SLMAP: variants seen among roughly 807,000 people sequenced by gnomAD.
SLMAP encodes sarcolemma associated protein.
SLMAP carries 44 observed loss-of-function variants against 128.8 expected under a neutral mutation model. The observed-to-expected ratio is 0.34, with a 90% CI of 0.27 to 0.44. The LOEUF is 0.44. Among genes scored for constraint, SLMAP ranks in the 20% least tolerant of loss-of-function variants. The pLI is 1.00. For missense variants in SLMAP, 787 were observed against 985.3 expected (o/e 0.80, Z 2.69); for synonymous variants, 327 against 348.8 (o/e 0.94, Z 0.70).
chr3:57,826,724 C>G (rs931661795), intron 2 of SLMAP, among the ~76,000 whole-genome samples: 9 of 152,226 alleles, frequency 5.9e-5, no homozygotes, highest in African/African-American at 1.7e-4. Flanking sequence ...AGGAACTTAC[C>G]CTGCACTCAC....
Position 57,857,742 on chromosome 3 carries a change from C to T in SLMAP, c.529C>T (p.His177Tyr), listed in dbSNP as rs1280921447. The T allele has an allele frequency of 1.9e-6, 3 of 1,611,908 alleles. No homozygotes were observed. Among genetic ancestry groups the T allele is most frequent in the East Asian group, 2.2e-5 (1 of 44,862 alleles). ...TGATTTGTAATACTAGGAGGCCTTA[C>T]ATCGGGAACAAATGTTGGAACAGAA... ...QLSQYLQEAL[H>Y]REQMLEQKLA... Residue 177 changes from histidine to tyrosine, a missense_variant, in exon 7 of 25, where the codon CAT becomes TAT. This residue lies in a region of SLMAP where 715 missense variants were observed against 843.6 expected (regional missense o/e 0.85). Transcript: ENST00000671191.
intron 2 of SLMAP, among the ~76,000 whole-genome samples, chr3:57,764,581 G>T (rs1487868701): frequency 6.6e-6 from 1 of 151,860 alleles, no homozygotes; most frequent in African/African-American, 2.4e-5. Context: ...CCTGGAGCAA[G>T]GAAAAATGGG....
At position 57,793,148 on chromosome 3, in the gene SLMAP, A is replaced by G. The variant is rs554452922; in HGVS notation, c.198+35299A>G. ...CTGTCTCAATAAGAAAACCCAAAAAATCCTCTTGAGCTCAAGTGATCCTCC... is the reference window on the plus strand; with the variant it reads ...CTGTCTCAATAAGAAAACCCAAAAAGTCCTCTTGAGCTCAAGTGATCCTCC... On this transcript the variant is annotated intron_variant, in intron 2 of 24. Coordinates refer to ENST00000671191, the MANE Select transcript of SLMAP (RefSeq NM_001377540.1). Among the ~76,000 whole-genome samples the G allele has an allele frequency of 4.6e-5, 7 of 151,784 alleles. No homozygotes were observed. The East Asian group carries it at 1.4e-3, about 30-fold the overall frequency.
intron 2 of SLMAP, 64 bp downstream of exon 2, chr3:57,757,913 T>C: frequency 7.1e-7 from 1 of 1,407,944 alleles, no homozygotes; most frequent in Non-Finnish European, 1.0e-6. Context: ...TTGCCCTCCC[T>C]GAGAGGACTA....
At chr3:57,871,759 G>A in intron 14 of SLMAP, 61 bp downstream of exon 14, 1 of 1,292,716 alleles carries the variant, frequency 7.7e-7, no homozygotes, top group Non-Finnish European at 1.1e-6. Flanking sequence ...ACTTAAAAGT[G>A]AGAGGTAAAA....
At chr3:57,879,594 T>C (rs1410661716) in intron 14 of SLMAP, among the ~76,000 whole-genome samples, 1 of 152,186 alleles carries the variant, frequency 6.6e-6, no homozygotes, top group Non-Finnish European at 1.5e-5. Flanking sequence ...TATTATTTGG[T>C]CATGTATATT....
At chr3:57,778,035 G>C (rs2082272139) in intron 2 of SLMAP, among the ~76,000 whole-genome samples, 1 of 152,094 alleles carries the variant, frequency 6.6e-6, no homozygotes, top group South Asian at 2.1e-4. Flanking sequence ...CTTATATTTT[G>C]TTAAGGATTT....
intron 21 of SLMAP, among the ~76,000 whole-genome samples, chr3:57,916,017 A>G (rs1006560320): frequency 2.6e-5 from 4 of 152,028 alleles, no homozygotes; most frequent in Admixed American, 1.3e-4. Context: ...TGAGCCAGGC[A>G]TGGTGGCGCA....
intron 2 of SLMAP, among the ~76,000 whole-genome samples, chr3:57,808,874 T>C (rs1455618354): frequency 4.6e-5 from 7 of 152,240 alleles, no homozygotes; most frequent in Non-Finnish European, 7.3e-5. Context: ...CCCACTATTA[T>C]TATGTAGCAG....
intron 6 of SLMAP, among the ~76,000 whole-genome samples, chr3:57,854,646 G>C (rs115495348): frequency 0.013 from 1,925 of 152,102 alleles, 28 homozygotes; most frequent in African/African-American, 0.044. Flanking sequence ...ATTTTTAAAA[G>C]GAAAAATTAA....
At chr3:57,776,459 T>G (rs2081949007) in intron 2 of SLMAP, among the ~76,000 whole-genome samples, 1 of 152,056 alleles carries the variant, frequency 6.6e-6, no homozygotes, top group African/African-American at 2.4e-5. Context: ...TTTAATGCTT[T>G]CTTTGTGAAA....
chr3:57,860,865 A>G (rs1469386009), intron 9 of SLMAP, 26 bp downstream of exon 9: 2 of 1,549,728 alleles, frequency 1.3e-6, no homozygotes, highest in Non-Finnish European at 8.7e-7. Context: ...AAAAAATACT[A>G]AATAGTATTA....
intron 2 of SLMAP, among the ~76,000 whole-genome samples, chr3:57,818,945 G>C (rs1296080747): frequency 1.3e-5 from 2 of 152,160 alleles, no homozygotes; most frequent in Non-Finnish European, 2.9e-5. Flanking sequence ...AGAAGTGCTG[G>C]ATATCATGAG....
Position 57,890,041 on chromosome 3 carries a change from A to G in SLMAP, c.1301A>G (p.Lys434Arg), listed in dbSNP as rs755095104. 1.1e-5 allele frequency: 18 copies of G among 1,611,300 alleles called. No homozygotes were observed. The highest frequency in any genetic ancestry group is 1.5e-5 in the Non-Finnish European group (18 of 1,177,408). ...TFIHQFIECQKKLIVEGHLTK... is the reference protein window; with the variant it reads ...TFIHQFIECQRKLIVEGHLTK... ...TGGTAACGTTTATTTTCCTTGGCAG[A>G]GAAGCTGATCGTCGAAGGGCATCTA... Residue 434 changes from lysine to arginine, a missense_variant and splice_region_variant, in exon 15 of 25, where the codon AAG becomes AGG. By Grantham distance (26) the Lys-to-Arg change is conservative (BLOSUM62 2). Around this residue, in one of 2 missense-constraint regions of SLMAP, gnomAD observed 715 missense variants for 843.6 expected, o/e 0.85. Coordinates refer to ENST00000671191, the MANE Select transcript of SLMAP (RefSeq NM_001377540.1).
rs1019921273 is a variant in SLMAP at position 57,927,474 on chromosome 3, T to A, written c.*185T>A. 1.2e-5 allele frequency: 8 copies of A among 677,452 alleles called. No homozygotes were observed. In the African/African-American group the frequency reaches 1.4e-4, roughly 12 times the overall value. 42.0% of individuals were successfully genotyped at this position (677,452 alleles called of 1,614,324 possible). The stretch of plus-strand genomic sequence containing the variant: ...GGGACAAACAGAACCATTTTCTTCC[T>A]CTTTACCTCTTAAAACAGCAGAAGT... On this transcript the variant is annotated 3_prime_UTR_variant, in exon 25 of 25. Coordinates refer to ENST00000671191, the MANE Select transcript of SLMAP (RefSeq NM_001377540.1).
At chr3:57,798,292 CT>C (rs1213010938) in intron 2 of SLMAP, among the ~76,000 whole-genome samples, 1 of 152,120 alleles carries the variant, frequency 6.6e-6, no homozygotes, top group East Asian at 1.9e-4. Context: ...GGACTTTGGA[CT>C]TGCTTTGTTT....
chr3:57,843,305 C>CTT, intron 4 of SLMAP, among the ~76,000 whole-genome samples: 4,926 of 91,856 alleles, frequency 0.054, 528 homozygotes, highest in Non-Finnish European at 0.064. Context: ...CTTTCTTTTC[C>CTT]TTTTTTTTTT....
At chr3:57,776,373 A>G (rs1055393596) in intron 2 of SLMAP, among the ~76,000 whole-genome samples, 2 of 152,088 alleles carry the variant, frequency 1.3e-5, no homozygotes, top group East Asian at 1.9e-4. Context: ...TTAAGTGTGG[A>G]TATGTTTTGG....
chr3:57,826,362 T>C (rs891742030), intron 2 of SLMAP, among the ~76,000 whole-genome samples: 3 of 152,202 alleles, frequency 2.0e-5, no homozygotes, highest in African/African-American at 7.2e-5. Context: ...TTCTCTTTTT[T>C]CTTAAAATAA....
Sources: allele counts gnomAD v4.1 joint callset (sites outside exome capture counted in the v4.1 genomes callset), GRCh38; gene constraint gnomAD v4.1.1; regional missense constraint gnomAD v4.1.1; transcripts MANE v1.5; gene names NCBI Gene and HGNC (gene_info 2026-07-23, HGNC 2026-07-21).